The following CYB5R2 variants were observed in gnomAD, a reference collection of about 807,000 sequenced individuals.
The protein encoded by CYB5R2 is cytochrome b5 reductase 2, also known as NADH-cytochrome b5 reductase 2.
In CYB5R2, 35 loss-of-function variants were observed where a neutral mutation model predicts 29.8. That is an observed-to-expected ratio of 1.17 (90% CI 0.90 to 1.56). The LOEUF is 1.56. CYB5R2 is among the 40% of genes most tolerant of loss of function. CYB5R2 has a pLI of 0.00. For synonymous variants in CYB5R2, 169 were observed against 130.6 expected (o/e 1.29, Z -2.01); for missense variants, 419 against 346.7 (o/e 1.21, Z -1.66).
upstream of CYB5R2, chr11:7,674,090 C>A (rs915237768): frequency 3.3e-6 from 4 of 1,196,516 alleles, no homozygotes; most frequent in African/African-American, 1.6e-5. Context: ...AGAGCTGCCA[C>A]ACTGAGCGCC....
In CYB5R2 at chr11:7,665,553, T is replaced by C. The variant is rs748077383; in HGVS notation, c.659-7A>G. On this transcript the variant is annotated splice_polypyrimidine_tract_variant and splice_region_variant and intron_variant, in intron 8 of 8. Coordinates refer to ENST00000299498, the MANE Select transcript of CYB5R2 (RefSeq NM_016229.5). ...CCTGAGCTGTACTTCCAGCCTGAAA[T>C]GAAGGAGATGCAGGAGCAAGCTGAG... 5.0e-6 allele frequency: 8 copies of C among 1,595,874 alleles called. No homozygotes were observed. The highest frequency in any genetic ancestry group is 6.8e-6 in the Non-Finnish European group (8 of 1,172,564).
At chr11:7,666,300 C>A (rs963486681) in intron 8 of CYB5R2, 151 bp downstream of exon 8, 7 of 618,304 alleles carry the variant, frequency 1.1e-5, no homozygotes, top group Admixed American at 2.9e-5. Context: ...CCCTCAATTT[C>A]TCACATTTCC....
intron 3 of CYB5R2, 163 bp downstream of exon 3, chr11:7,672,288 T>A (rs1855792800): frequency 1.6e-6 from 1 of 609,310 alleles, no homozygotes; most frequent in Non-Finnish European, 2.9e-6. Context: ...AAATTTTCTG[T>A]CCCACATCCA....
At position 7,665,385 on chromosome 11, in the gene CYB5R2, A is replaced by G; in HGVS notation, c.820T>C (p.Phe274Leu). Reference protein sequence around the residue: ...EKLGYTQDMIFTY With the variant: ...EKLGYTQDMILTY ...AGCACGTGGAGGTGTTAGTAGGTGA[A>G]AATCATGTCCTGGGTATAACCCAGC... Residue 274 changes from phenylalanine (F) to leucine (L), a missense_variant, in exon 9 of 9, where the codon TTC (phenylalanine) becomes CTC (leucine). By Grantham distance (22) the Phe-to-Leu change is conservative. Coordinates refer to ENST00000299498, the MANE Select transcript of CYB5R2 (RefSeq NM_016229.5). The G allele has an allele frequency of 6.4e-7, 1 of 1,572,590 alleles. No homozygotes were observed. Among genetic ancestry groups the G allele is most frequent in the Non-Finnish European group, 8.6e-7 (1 of 1,161,468 alleles).
chr11:7,665,938 A>T (rs1855141170), intron 8 of CYB5R2: 6 of 1,535,302 alleles, frequency 3.9e-6, no homozygotes, highest in Non-Finnish European at 5.2e-6. Context: ...CCGACCAGGG[A>T]CCTGTATGAC....
intron 7 of CYB5R2, 165 bp downstream of exon 7, chr11:7,667,563 G>T: frequency 3.0e-6 from 2 of 668,202 alleles, no homozygotes; most frequent in Non-Finnish European, 2.7e-6. Flanking sequence ...AAGCAGGCCT[G>T]GACTCAGCTT....
At position 7,667,712 on chromosome 11, in the gene CYB5R2, C is replaced by T. The variant is rs1294200164; in HGVS notation, c.558+16G>A. ...AAACATTCCATCCTACCACTGCAAG[C>T]TCAGCAGGAACTGACCTGGTTGGCA... is the stretch of plus-strand genomic sequence containing the variant. On this transcript the variant is annotated intron_variant, in intron 7 of 8. Transcript: ENST00000299498. The T allele has an allele frequency of 3.7e-6, 6 of 1,605,006 alleles. No homozygotes were observed. In the African/African-American group the frequency reaches 6.7e-5, roughly 18 times the overall value.
chr11:7,673,662 T>TC, upstream of CYB5R2: 3 of 985,252 alleles, frequency 3.0e-6, no homozygotes, highest in Non-Finnish European at 3.6e-6. Context: ...CTTCCGGCCG[T>TC]CCCGACGGAG....
intron 1 of CYB5R2, 53 bp downstream of exon 1, chr11:7,673,366 G>T (rs1467567220): frequency 1.0e-6 from 1 of 1,002,694 alleles, no homozygotes. Context: ...GGCGAAGGGG[G>T]CCTGGGCACT....
intron 7 of CYB5R2, 51 bp from the exon 8 acceptor site, chr11:7,666,601 C>A: frequency 7.3e-7 from 1 of 1,366,768 alleles, no homozygotes; most frequent in Non-Finnish European, 1.0e-6. Flanking sequence ...TCCTCTTGTT[C>A]CCTGGACTGA....
chr11:7,668,661 C>G, intron 5 of CYB5R2, 100 bp from the exon 6 acceptor site: 2 of 960,810 alleles, frequency 2.1e-6, no homozygotes, highest in Non-Finnish European at 1.7e-6. Flanking sequence ...GCACGTCCAG[C>G]TAAGGGACTG....
In CYB5R2 at chr11:7,669,640, C is replaced by A; in HGVS notation, c.243G>T (p.Val81=). The A allele has an allele frequency of 6.2e-7, 1 of 1,602,942 alleles. No individual in the cohort carries two copies. Among genetic ancestry groups the A allele is most frequent in the Non-Finnish European group, 8.5e-7 (1 of 1,175,652 alleles). Residue 81 remains valine (V), a synonymous_variant, in exon 4 of 9, where the codon GTG becomes GTT. Coordinates refer to ENST00000299498, the MANE Select transcript of CYB5R2 (RefSeq NM_016229.5). The part of the protein sequence containing the change: ...PVSSDDDRGF[V]DLIIKIYFKN... The stretch of plus-strand genomic sequence containing the variant: ...CACTATTTACCTTTATAATTAGGTC[C>A]ACAAAGCCTCTGTCATCATCACTGG...
upstream of CYB5R2, chr11:7,674,001 G>A (rs1855933304): frequency 8.7e-7 from 1 of 1,148,864 alleles, no homozygotes; most frequent in Admixed American, 4.3e-5. Context: ...GCTCCATCAT[G>A]AGGCTGGCGG....
In CYB5R2 at chr11:7,669,194, C is replaced by A. The variant is rs905272059; in HGVS notation, c.388+11G>T. ...CCCAGCTGGGAGCCCAAGTATTAAC[C>A]CCTCCAGTACCTGGCCCATGGTAAA... On this transcript the variant is annotated intron_variant, in intron 5 of 8. Transcript: ENST00000299498. The A allele has an allele frequency of 6.2e-7, 1 of 1,614,114 alleles. No homozygotes were observed. The highest frequency in any genetic ancestry group is 1.1e-5 in the South Asian group (1 of 91,078).
chr11:7,667,665 GA>G, intron 7 of CYB5R2, 62 bp downstream of exon 7: 1 of 1,457,914 alleles, frequency 6.9e-7, no homozygotes, highest in Admixed American at 1.7e-5. Flanking sequence ...CAGGAGAAAT[GA>G]AAACAAGAGC....
At chr11:7,669,554 T>G (rs1855592368) in intron 4 of CYB5R2, 71 bp downstream of exon 4, 3 of 1,328,092 alleles carry the variant, frequency 2.3e-6, no homozygotes, top group East Asian at 4.6e-5. Context: ...GAAAAAGCAC[T>G]GCCCCTCCAC....
At position 7,668,544 on chromosome 11, in the gene CYB5R2, G is replaced by C; in HGVS notation, c.406C>G (p.Pro136Ala). The change falls in exon 6 of 9, where the codon CCA (proline) becomes GCA (alanine). Residue 136 changes from proline (P) to alanine (A), a missense_variant. By Grantham distance (27) the Pro-to-Ala change is conservative. Transcript: ENST00000299498. ...TTTTTAGGCTCACTCGTCTGGTCTG[G>C]TCTGATTCCAAGATTCCCTGGAAAC... ...YHGPGNLGIR[P>A]DQTSEPKKTL... 1.9e-6 allele frequency: 3 copies of C among 1,613,890 alleles called. No individual in the cohort carries two copies. Among genetic ancestry groups the C allele is most frequent in the Non-Finnish European group, 2.5e-6 (3 of 1,179,810 alleles).
intron 3 of CYB5R2, chr11:7,671,419 A>C (rs979759631): frequency 1.3e-5 from 2 of 152,314 alleles, no homozygotes; most frequent in African/African-American, 4.8e-5. Flanking sequence ...TGCACGGCCT[A>C]GGCCAAGGCT....
intron 2 of CYB5R2, 66 bp downstream of exon 2, chr11:7,672,680 GTC>G (rs1855826593): frequency 1.6e-5 from 25 of 1,592,642 alleles, no homozygotes; most frequent in Non-Finnish European, 2.1e-5. Flanking sequence ...TGAGATGACT[GTC>G]TGGATGCCCT....
Sources: allele counts gnomAD v4.1 joint callset, GRCh38; gene constraint gnomAD v4.1.1; transcripts MANE v1.5; gene names NCBI Gene and HGNC (gene_info 2026-07-23, HGNC 2026-07-21).